The following TUSC3 variants were observed in gnomAD, a reference collection of about 807,000 sequenced individuals.
The protein encoded by TUSC3 is dolichyl-diphosphooligosaccharide--protein glycosyltransferase subunit TUSC3.
In TUSC3, 45 loss-of-function variants were observed where a neutral mutation model predicts 44.8. That is an observed-to-expected ratio of 1.00 (90% CI 0.79 to 1.29). TUSC3 has a LOEUF of 1.29. Ranked by LOEUF, TUSC3 falls within the 50% of genes most tolerant of loss-of-function variation. The pLI, the probability that TUSC3 is intolerant of heterozygous loss-of-function variation, is 0.00. For missense variants in TUSC3, 519 were observed against 437.9 expected (o/e 1.19, Z -1.65); for synonymous variants, 212 against 152.9 (o/e 1.39, Z -2.85).
intron 1 of TUSC3, among the ~76,000 whole-genome samples, chr8:15,560,736 C>T (rs1169970646): frequency 8.5e-5 from 10 of 118,278 alleles, no homozygotes; most frequent in East Asian, 2.5e-4. Context: ...CTTCCCTTCT[C>T]GCTTCATTTC....
chr8:15,806,653 G>C, the TUSC3 span: 1 of 1,204,308 alleles, frequency 8.3e-7, no homozygotes, highest in Non-Finnish European at 1.2e-6. Flanking sequence ...GCTCTGGTGA[G>C]ACAAGCTGCC....
intron 9 of TUSC3, among the ~76,000 whole-genome samples, chr8:15,755,505 T>C (rs1287679858): frequency 6.6e-6 from 1 of 152,168 alleles, no homozygotes. Flanking sequence ...CCTGAACCTT[T>C]TGATGAGCTT....
At chr8:15,648,795 G>A (rs957855124) in intron 2 of TUSC3, among the ~76,000 whole-genome samples, 2 of 130,262 alleles carry the variant, frequency 1.5e-5, no homozygotes, top group Admixed American at 8.3e-5. Context: ...TTGTTATCAC[G>A]TACCATAAAA....
intron 6 of TUSC3, among the ~76,000 whole-genome samples, chr8:15,687,080 A>C (rs891536458): frequency 6.6e-6 from 1 of 152,180 alleles, no homozygotes; most frequent in Non-Finnish European, 1.5e-5. Context: ...CTCAAAAAAA[A>C]CAAAAAACAA....
At chr8:15,799,737 G>A in the TUSC3 span, among the ~76,000 whole-genome samples, 1 of 152,072 alleles carries the variant, frequency 6.6e-6, no homozygotes, top group African/African-American at 2.4e-5. Flanking sequence ...CACACTTAAT[G>A]CCAGAACTGT....
chr8:15,629,632 A>G (rs1805671193), intron 2 of TUSC3, among the ~76,000 whole-genome samples: 1 of 147,196 alleles, frequency 6.8e-6, no homozygotes. Flanking sequence ...CTTCTGTAAC[A>G]CTGCCGTAAT....
At chr8:15,662,124 T>G (rs1160813832) in intron 4 of TUSC3, 32 bp from the exon 5 acceptor site, 1 of 1,611,564 alleles carries the variant, frequency 6.2e-7, no homozygotes, top group Non-Finnish European at 8.5e-7. Flanking sequence ...TATTTTTCTT[T>G]CATTTTTGAA....
the TUSC3 span, among the ~76,000 whole-genome samples, chr8:15,791,323 T>C: frequency 6.6e-6 from 1 of 151,808 alleles, no homozygotes; most frequent in Non-Finnish European, 1.5e-5. Context: ...TGAAATACGA[T>C]TATCCATAGT....
chr8:15,739,185 C>G (rs1563198929), intron 7 of TUSC3, among the ~76,000 whole-genome samples: 1 of 152,130 alleles, frequency 6.6e-6, no homozygotes, highest in East Asian at 1.9e-4. Flanking sequence ...GCTAGTTAAC[C>G]TGTCACAAAA....
chr8:15,629,177 A>T (rs1221072793), intron 2 of TUSC3, among the ~76,000 whole-genome samples: 1 of 152,186 alleles, frequency 6.6e-6, no homozygotes, highest in African/African-American at 2.4e-5. Flanking sequence ...TTAGATGTTG[A>T]TATTAGGATG....
At chr8:15,542,354 T>A (rs573108458) in intron 1 of TUSC3, among the ~76,000 whole-genome samples, 1 of 152,164 alleles carries the variant, frequency 6.6e-6, no homozygotes, top group South Asian at 2.1e-4. Context: ...TTATCAGACC[T>A]AAGGTCTGTG....
At chr8:15,822,260 G>A in the TUSC3 span, among the ~76,000 whole-genome samples, 2 of 152,126 alleles carry the variant, frequency 1.3e-5, no homozygotes, top group South Asian at 4.1e-4. Context: ...TTCAAGTGGA[G>A]AGATCAAATT....
At chr8:15,688,551 A>G (rs538492983) in intron 6 of TUSC3, among the ~76,000 whole-genome samples, 1 of 152,058 alleles carries the variant, frequency 6.6e-6, no homozygotes, top group South Asian at 2.1e-4. Context: ...TAATCAGCAT[A>G]GTACCCGATG....
intron 6 of TUSC3, among the ~76,000 whole-genome samples, chr8:15,719,111 C>T (rs373174246): frequency 6.6e-6 from 1 of 152,082 alleles, no homozygotes; most frequent in Non-Finnish European, 1.5e-5. Context: ...ATGCTTGCTT[C>T]GTTATAGTCT....
rs115981503 is a variant in TUSC3 at position 15,584,122 on chromosome 8, G to T, written c.139-38958G>T. On this transcript the variant is annotated intron_variant, in intron 1 of 10. Transcript: ENST00000503731. Reference sequence around the variant, plus strand: ...ATTTGAAATATTTAGATGTTTAATTGATGTTAAACTTGTTAAAGATTTCCT... The same window carrying T: ...ATTTGAAATATTTAGATGTTTAATTTATGTTAAACTTGTTAAAGATTTCCT... Among the ~76,000 whole-genome samples, 97 of 152,222 alleles carry T rather than the reference G, an allele frequency of 6.4e-4. 2 individuals carry two copies. Among genetic ancestry groups the T allele is most frequent in the Admixed American group, 5.9e-3 (90 of 15,288 alleles).
the TUSC3 span, among the ~76,000 whole-genome samples, chr8:15,813,736 T>C: frequency 1.3e-5 from 2 of 152,274 alleles, no homozygotes; most frequent in South Asian, 4.1e-4. Flanking sequence ...TTGGGATGGA[T>C]CAAGATAGCT....
At chr8:15,667,099 G>A (rs1309224958) in intron 5 of TUSC3, among the ~76,000 whole-genome samples, 1 of 151,354 alleles carries the variant, frequency 6.6e-6, no homozygotes, top group African/African-American at 2.4e-5. Flanking sequence ...TTCCATACAT[G>A]GATCTACTAC....
chr8:15,423,484 G>C (rs781319573), intron 1 of TUSC3, among the ~76,000 whole-genome samples: 7 of 152,186 alleles, frequency 4.6e-5, no homozygotes, highest in Non-Finnish European at 1.0e-4. Context: ...CAGGGGAACA[G>C]CATCTTTAAG....
At chr8:15,541,396 G>T (rs1277412528) in intron 1 of TUSC3, among the ~76,000 whole-genome samples, 1 of 152,146 alleles carries the variant, frequency 6.6e-6, no homozygotes, top group Non-Finnish European at 1.5e-5. Flanking sequence ...TTCTAATTGT[G>T]GACCATTTTG....
Sources: gnomAD v4.1 joint callset for allele counts (sites outside exome capture counted in the v4.1 genomes callset) on GRCh38, gnomAD v4.1.1 for gene constraint, MANE v1.5 for transcripts, NCBI Gene and HGNC (gene_info 2026-07-23, HGNC 2026-07-21) for gene names.